Variants in PRP4K observed in about 807,000 individuals in gnomAD.
PRP4K encodes the protein serine/threonine-protein kinase PRP4 homolog.
At chr6:4,021,547 C>A in the PRP4K span, 2 of 1,532,240 alleles carry the variant, frequency 1.3e-6, no homozygotes. Flanking sequence ...CGGGAAAGTT[C>A]GGGCCTAACG....
At chr6:4,045,543 AAGG>A in the PRP4K span, among the ~76,000 whole-genome samples, 4 of 152,208 alleles carry the variant, frequency 2.6e-5, no homozygotes, top group Non-Finnish European at 4.4e-5. Flanking sequence ...CTCTTTTGGA[AAGG>A]AGGAGTTTAC....
chr6:4,055,176 C>T, the PRP4K span, among the ~76,000 whole-genome samples: 7 of 152,124 alleles, frequency 4.6e-5, no homozygotes, highest in Non-Finnish European at 8.8e-5. Flanking sequence ...GTATGGATAC[C>T]CTGCTATTCT....
At chr6:4,022,070 G>A in the PRP4K span, among the ~76,000 whole-genome samples, 1 of 148,850 alleles carries the variant, frequency 6.7e-6, no homozygotes, top group Non-Finnish European at 1.5e-5. Context: ...GTTTTGTTTT[G>A]TTTTGAGTGC....
At chr6:4,064,737 T>A in the PRP4K span, 2 of 152,656 alleles carry the variant, frequency 1.3e-5, no homozygotes, top group African/African-American at 4.8e-5. Context: ...ATTAAAATGT[T>A]TTCCAGTTAT....
the PRP4K span, chr6:4,044,277 T>G: frequency 2.5e-6 from 1 of 394,870 alleles, no homozygotes; most frequent in South Asian, 4.0e-5. Context: ...GCTTGCTATT[T>G]TAAAGCAAAT....
the PRP4K span, among the ~76,000 whole-genome samples, chr6:4,022,015 G>A: frequency 6.6e-6 from 1 of 152,138 alleles, no homozygotes; most frequent in Non-Finnish European, 1.5e-5. Flanking sequence ...CGGGATACTT[G>A]ATCTCGTCAC....
chr6:4,048,378 CAAAAA>C, the PRP4K span, among the ~76,000 whole-genome samples: 4 of 98,932 alleles, frequency 4.0e-5, no homozygotes, highest in Admixed American at 1.1e-4. Context: ...GACTCCGTCT[CAAAAA>C]AAAAAAAAAA....
At chr6:4,036,735 A>G in the PRP4K span, among the ~76,000 whole-genome samples, 53 of 152,046 alleles carry the variant, frequency 3.5e-4, no homozygotes, top group East Asian at 9.7e-3. Flanking sequence ...CACACCTGTA[A>G]CCTCAGCACT....
the PRP4K span, chr6:4,052,890 A>G: frequency 6.3e-7 from 1 of 1,594,286 alleles, no homozygotes; most frequent in East Asian, 2.2e-5. Flanking sequence ...CAAACAGCCA[A>G]GCTGCGCTGT....
chr6:4,036,371 G>A, the PRP4K span, among the ~76,000 whole-genome samples: 1 of 152,112 alleles, frequency 6.6e-6, no homozygotes, highest in Non-Finnish European at 1.5e-5. Context: ...ATAGGCACAT[G>A]CCACCACACT....
the PRP4K span, among the ~76,000 whole-genome samples, chr6:4,048,144 C>T: frequency 1.3e-5 from 2 of 151,810 alleles, no homozygotes; most frequent in Admixed American, 6.6e-5. Flanking sequence ...TTTGGGAGGC[C>T]GAGACGGGTG....
the PRP4K span, chr6:4,032,809 G>A: frequency 2.5e-5 from 35 of 1,419,388 alleles, no homozygotes; most frequent in Non-Finnish European, 3.0e-5. Context: ...GATTTTAAAC[G>A]GAAAACTAGA....
the PRP4K span, among the ~76,000 whole-genome samples, chr6:4,052,347 C>G: frequency 6.6e-6 from 1 of 152,182 alleles, no homozygotes; most frequent in Admixed American, 6.5e-5. Flanking sequence ...CAACCTCCAC[C>G]TCCCGGGTTC....
the PRP4K span, among the ~76,000 whole-genome samples, chr6:4,027,233 A>T: frequency 6.6e-6 from 1 of 152,230 alleles, no homozygotes; most frequent in Non-Finnish European, 1.5e-5. Flanking sequence ...GACCTTAGGC[A>T]AGTCCCTTGA....
chr6:4,051,914 C>G, the PRP4K span: 3 of 1,309,792 alleles, frequency 2.3e-6, no homozygotes, highest in Non-Finnish European at 3.2e-6. Context: ...CTCCTAAATT[C>G]TGTATATATT....
chr6:4,023,090 T>C, the PRP4K span, among the ~76,000 whole-genome samples: 5 of 152,244 alleles, frequency 3.3e-5, no homozygotes, highest in Admixed American at 1.3e-4. Flanking sequence ...ATTTGGTCTG[T>C]ATATGTCTCA....
the PRP4K span, among the ~76,000 whole-genome samples, chr6:4,047,901 T>TGC: frequency 1.5e-4 from 21 of 142,008 alleles, 1 homozygote; most frequent in African/African-American, 5.5e-4. Flanking sequence ...CATGTATATG[T>TGC]ACACACACAC....
chr6:4,051,137 T>C, the PRP4K span, among the ~76,000 whole-genome samples: 2 of 152,072 alleles, frequency 1.3e-5, no homozygotes, highest in African/African-American at 4.8e-5. Context: ...CTTGAACTCC[T>C]GACCTCAAGT....
the PRP4K span, chr6:4,063,603 C>A: frequency 6.6e-6 from 1 of 152,016 alleles, no homozygotes; most frequent in Admixed American, 6.6e-5. Context: ...TATTCAGAGC[C>A]ATTTTTTTTA....
Sources: allele counts gnomAD v4.1 joint callset (sites outside exome capture counted in the v4.1 genomes callset), GRCh38; gene constraint gnomAD v4.1.1; transcripts MANE v1.5; gene names NCBI Gene and HGNC (gene_info 2026-07-23, HGNC 2026-07-21).